The following SLC41A2 variants were observed in gnomAD, a reference collection of about 807,000 sequenced individuals.
The protein encoded by SLC41A2 is solute carrier family 41 member 2.
A neutral mutation model predicts 58.3 loss-of-function variants in SLC41A2; 32 were observed. That is an observed-to-expected ratio of 0.55 (90% CI 0.41 to 0.74). SLC41A2 has a LOEUF of 0.74. Ranked by LOEUF, SLC41A2 falls within the 30% of genes least tolerant of loss-of-function variation. The pLI is 0.00. For missense variants in SLC41A2, 514 were observed against 680.6 expected (o/e 0.76, Z 2.72); for synonymous variants, 190 against 235.0 (o/e 0.81, Z 1.75).
intron 1 of SLC41A2, among the ~76,000 whole-genome samples, chr12:104,941,504 A>G (rs2047512786): frequency 6.6e-6 from 1 of 152,210 alleles, no homozygotes; most frequent in African/African-American, 2.4e-5. Flanking sequence ...CCTCCCAAAA[A>G]AAGTTAATAT....
chr12:104,824,203 C>T (rs1209421638), intron 10 of SLC41A2, among the ~76,000 whole-genome samples: 4 of 152,054 alleles, frequency 2.6e-5, no homozygotes, highest in African/African-American at 9.7e-5. Flanking sequence ...GTTGCATTTC[C>T]CAAGAACACC....
At position 104,866,413 on chromosome 12, in the gene SLC41A2, C is replaced by CAT; in HGVS notation, c.1175+18_1175+19insAT. ...ACACACACACACACACACACACACA[C>CAT]ACATATTTTAATACTAACCTACTTA... On this transcript the variant is annotated intron_variant, in intron 7 of 10. Transcript: ENST00000258538. The CAT allele has an allele frequency of 6.7e-7, 1 of 1,496,006 alleles. No homozygotes were observed. The highest frequency in any genetic ancestry group is 9.0e-7 in the Non-Finnish European group (1 of 1,116,978). 92.7% of individuals were successfully genotyped at this position (1,496,006 alleles called of 1,614,324 possible).
intron 10 of SLC41A2, among the ~76,000 whole-genome samples, chr12:104,837,265 C>T (rs746276431): frequency 1.8e-4 from 28 of 152,056 alleles, no homozygotes; most frequent in Non-Finnish European, 2.2e-4. Flanking sequence ...ATGACCATGA[C>T]GGTCAGGATT....
chr12:104,940,588 CT>C (rs1302397692), intron 1 of SLC41A2, among the ~76,000 whole-genome samples: 2 of 150,172 alleles, frequency 1.3e-5, no homozygotes, highest in African/African-American at 4.9e-5. Flanking sequence ...AAGTATCTCC[CT>C]TTTATCTCCT....
At chr12:104,943,415 C>G (rs989118661) in intron 1 of SLC41A2, among the ~76,000 whole-genome samples, 2 of 152,194 alleles carry the variant, frequency 1.3e-5, no homozygotes, top group African/African-American at 2.4e-5. Flanking sequence ...AATATTGCTC[C>G]TCCTCTTTCG....
intron 10 of SLC41A2, among the ~76,000 whole-genome samples, chr12:104,819,306 T>G (rs1054661777): frequency 6.6e-6 from 1 of 152,190 alleles, no homozygotes; most frequent in Non-Finnish European, 1.5e-5. Flanking sequence ...TGCAAATTAT[T>G]AAATATGTAG....
chr12:104,862,075 T>C (rs1003959018), intron 7 of SLC41A2, among the ~76,000 whole-genome samples: 3 of 152,194 alleles, frequency 2.0e-5, no homozygotes, highest in African/African-American at 7.2e-5. Flanking sequence ...CTGTGTAGTA[T>C]AAAACATTGC....
rs2040816849 is a variant in SLC41A2 at position 104,804,334 on chromosome 12, A to G, written c.*818T>C. The G allele has an allele frequency of 1.0e-5, 1 of 97,848 alleles. No homozygotes were observed. The highest frequency in any genetic ancestry group is 2.3e-5 in the Non-Finnish European group (1 of 44,040). 6.1% of individuals were successfully genotyped at this position (97,848 alleles called of 1,614,324 possible). A position where few individuals can be genotyped will look rare whatever the true frequency, so the allele number is the denominator to read the frequency against. On this transcript the variant is annotated 3_prime_UTR_variant, in exon 11 of 11. Transcript: ENST00000258538. ...ATCCAAGATTTAGTTCTTCATCAAA[A>G]GTCTCTCTCTCTCACACACACACAC...
intron 10 of SLC41A2, among the ~76,000 whole-genome samples, chr12:104,836,778 T>G (rs1263313242): frequency 6.6e-6 from 1 of 152,220 alleles, no homozygotes; most frequent in African/African-American, 2.4e-5. Context: ...AGGTTTTCTG[T>G]ATTGCCTGGG....
At chr12:104,943,636 C>T (rs1239063116) in intron 1 of SLC41A2, among the ~76,000 whole-genome samples, 1 of 152,140 alleles carries the variant, frequency 6.6e-6, no homozygotes, top group Non-Finnish European at 1.5e-5. Context: ...CCCTATTATG[C>T]CCCAATTCAG....
At chr12:104,831,777 CAT>C (rs1370478160) in intron 10 of SLC41A2, among the ~76,000 whole-genome samples, 2 of 152,102 alleles carry the variant, frequency 1.3e-5, no homozygotes, top group African/African-American at 2.4e-5. Context: ...TTATATCTAA[CAT>C]AGAAAACAGT....
At chr12:104,851,498 C>T (rs960418492) in intron 8 of SLC41A2, among the ~76,000 whole-genome samples, 16 of 152,086 alleles carry the variant, frequency 1.1e-4, no homozygotes, top group Non-Finnish European at 2.2e-4. Context: ...ATCCTCCTGC[C>T]TTAGCCGCTT....
intron 10 of SLC41A2, among the ~76,000 whole-genome samples, chr12:104,811,052 T>C (rs192410332): frequency 3.6e-4 from 55 of 152,324 alleles, no homozygotes; most frequent in African/African-American, 1.2e-3. Flanking sequence ...AATAATGATT[T>C]TTTTTTCCTG....
intron 1 of SLC41A2, among the ~76,000 whole-genome samples, chr12:104,957,582 T>C (rs1334921415): frequency 6.6e-6 from 1 of 152,282 alleles, no homozygotes; most frequent in East Asian, 1.9e-4. Context: ...CACATCAATG[T>C]ATATCGGTAA....
At chr12:104,876,901 C>G (rs116913338) in intron 6 of SLC41A2, among the ~76,000 whole-genome samples, 1 of 152,274 alleles carries the variant, frequency 6.6e-6, no homozygotes, top group East Asian at 1.9e-4. Context: ...CTACTATTGT[C>G]TTACTGTCTA....
rs1477231899 is a variant in SLC41A2, at chr12:104,889,158, C to T, written c.755G>A (p.Gly252Asp). 6.2e-7 allele frequency: 1 copy of T among 1,607,958 alleles called. No homozygotes were observed. The highest frequency in any genetic ancestry group is 8.5e-7 in the Non-Finnish European group (1 of 1,178,420). Residue 252 changes from glycine to aspartate, a missense_variant, in exon 5 of 11, where the codon GGT becomes GAT. Around this residue, in one of 3 missense-constraint regions of SLC41A2, gnomAD observed 336 missense variants for 430.0 expected, o/e 0.78. Transcript: ENST00000258538. Reference sequence around the variant, plus strand: ...AATTGCTGCCACAGCTGCTAGAAAACCCACTACTGTTGCCTGAACCTAAAA... The same window carrying T: ...AATTGCTGCCACAGCTGCTAGAAAATCCACTACTGTTGCCTGAACCTAAAA... ...ALKQVQATVV[G>D]FLAAVAAIIL... is the part of the protein sequence containing the mutation.
intron 3 of SLC41A2, among the ~76,000 whole-genome samples, chr12:104,900,628 G>T (rs1239203174): frequency 6.6e-6 from 1 of 152,194 alleles, no homozygotes; most frequent in Non-Finnish European, 1.5e-5. Context: ...CAAAGCTATG[G>T]CTAGGGACTG....
At chr12:104,820,625 T>A (rs1452211101) in intron 10 of SLC41A2, among the ~76,000 whole-genome samples, 1 of 152,186 alleles carries the variant, frequency 6.6e-6, no homozygotes, top group South Asian at 2.1e-4. Context: ...AATATGCACA[T>A]AGTTATTTAA....
intron 10 of SLC41A2, among the ~76,000 whole-genome samples, chr12:104,827,218 AT>A (rs1399492670): frequency 2.0e-5 from 3 of 152,198 alleles, no homozygotes; most frequent in Admixed American, 2.0e-4. Flanking sequence ...GGATAAATTT[AT>A]TATTCAGGCA....
Sources: gnomAD v4.1 joint callset for allele counts (sites outside exome capture counted in the v4.1 genomes callset) on GRCh38, gnomAD v4.1.1 for gene constraint, gnomAD v4.1.1 regional missense constraint, MANE v1.5 for transcripts, NCBI Gene and HGNC (gene_info 2026-07-23, HGNC 2026-07-21) for gene names.